The following USP30 variants were observed in gnomAD, a reference collection of about 807,000 sequenced individuals.
USP30 encodes ubiquitin carboxyl-terminal hydrolase 30.
A neutral mutation model predicts 68.2 loss-of-function variants in USP30; 41 were observed. That is an observed-to-expected ratio of 0.60 (90% CI 0.47 to 0.78). The LOEUF (loss-of-function observed/expected upper bound fraction) is 0.78, where lower values mean the gene tolerates loss of function less well. Ranked by LOEUF, USP30 falls within the 30% of genes least tolerant of loss-of-function variation. The pLI is 0.00. For missense variants in USP30, 522 were observed against 649.4 expected (o/e 0.80, Z 2.13); for synonymous variants, 229 against 253.7 (o/e 0.90, Z 0.93).
rs1335610818 is a variant in USP30 at position 109,070,408 on chromosome 12, A to G, written c.481-1204A>G. Among the ~76,000 whole-genome samples the G allele has an allele frequency of 1.3e-5, 2 of 152,098 alleles. No homozygotes were observed. The highest frequency in any genetic ancestry group is 2.9e-5 in the Non-Finnish European group (2 of 68,008). ...AGCTCTTTTGGCAGAGACCTGAAGG[A>G]TAGGAGGTAGCCGTGCGAAGGTCTG... On this transcript the variant is annotated intron_variant, in intron 4 of 12. Coordinates refer to ENST00000257548, the MANE Select transcript of USP30 (RefSeq NM_032663.5). The surrounding 1 kb of genome is among the most constrained non-coding windows in gnomAD (Gnocchi z 4.0).
chr12:109,037,339 T>G (rs915966288), intron 3 of USP30, among the ~76,000 whole-genome samples: 1 of 152,228 alleles, frequency 6.6e-6, no homozygotes, highest in Non-Finnish European at 1.5e-5. Flanking sequence ...TTCCCTTAGA[T>G]CTTTATGTCT....
At chr12:109,061,739 T>C (rs2135734290) in intron 3 of USP30, among the ~76,000 whole-genome samples, 1 of 152,194 alleles carries the variant, frequency 6.6e-6, no homozygotes. Flanking sequence ...ATACAAGTAA[T>C]GCATGAATCA....
At chr12:109,043,546 C>T (rs1384868149) in intron 3 of USP30, among the ~76,000 whole-genome samples, 1 of 152,014 alleles carries the variant, frequency 6.6e-6, no homozygotes, top group East Asian at 1.9e-4. Context: ...TGAAGTTGCC[C>T]CTTACCTAAC....
chr12:109,027,169 G>T (rs139553188), intron 2 of USP30, among the ~76,000 whole-genome samples: 1 of 152,102 alleles, frequency 6.6e-6, no homozygotes, highest in Non-Finnish European at 1.5e-5. Flanking sequence ...TAACCATCAC[G>T]CTATTGACTT....
intron 3 of USP30, among the ~76,000 whole-genome samples, chr12:109,034,655 C>T (rs1406615031): frequency 2.6e-5 from 4 of 152,200 alleles, no homozygotes; most frequent in African/African-American, 9.7e-5. Flanking sequence ...TAGTGTTGTT[C>T]ACGTCTGCTA....
intron 1 of USP30, among the ~76,000 whole-genome samples, chr12:109,055,091 CAT>C (rs1021914076): frequency 6.6e-6 from 1 of 151,836 alleles, no homozygotes; most frequent in African/African-American, 2.4e-5. Flanking sequence ...GCTATATACA[CAT>C]AGATGGTTTG....
rs561301046 is a variant in USP30 at position 109,085,642 on chromosome 12, C to T, written c.1290-25C>T. 2.0e-5 allele frequency: 33 copies of T among 1,610,100 alleles called. No homozygotes were observed. The South Asian group carries it at 3.4e-4, about 17-fold the overall frequency. On this transcript the variant is annotated intron_variant, in intron 12 of 12. Coordinates refer to ENST00000257548, the MANE Select transcript of USP30 (RefSeq NM_032663.5). Reference sequence around the variant, plus strand: ...AGTCTTTTTGTTAAAATTGTAAACCCCTGACATGTGTTCGTATCATTCAGC... The same window carrying T: ...AGTCTTTTTGTTAAAATTGTAAACCTCTGACATGTGTTCGTATCATTCAGC...
chr12:109,085,008 C>T lies in USP30; in HGVS notation c.1224C>T (p.Ser408=). ...KTQIFMNGAC[S]PSLLPTLSAP... ...AGATTTTTATGAATGGCGCCTGCTCCCCATCTTTATTGCCAACGCTGTCAG... is the reference window on the plus strand; with the variant it reads ...AGATTTTTATGAATGGCGCCTGCTCTCCATCTTTATTGCCAACGCTGTCAG... Residue 408 remains serine, a synonymous_variant, in exon 12 of 13, where the codon TCC becomes TCT. Transcript: ENST00000257548. 1 of 1,607,004 alleles carries T rather than the reference C, an allele frequency of 6.2e-7. No individual in the cohort carries two copies.
intron 3 of USP30, among the ~76,000 whole-genome samples, chr12:109,032,936 G>T (rs545596219): frequency 1.3e-5 from 2 of 152,104 alleles, no homozygotes; most frequent in East Asian, 3.9e-4. Context: ...ATACTTTAAG[G>T]GAGACTGGAA....
chr12:109,038,902 C>T (rs1360043928), intron 3 of USP30, among the ~76,000 whole-genome samples: 1 of 152,154 alleles, frequency 6.6e-6, no homozygotes. Context: ...TGATCATTCT[C>T]ATATACTGTA....
At chr12:109,067,710 C>A in intron 4 of USP30, 83 bp downstream of exon 4, 1 of 1,190,546 alleles carries the variant, frequency 8.4e-7, no homozygotes, top group Non-Finnish European at 1.2e-6. Flanking sequence ...TTGCCTGGCC[C>A]CAGTGTACAT....
At chr12:109,044,753 T>A (rs186648381) in intron 3 of USP30, among the ~76,000 whole-genome samples, 55 of 152,276 alleles carry the variant, frequency 3.6e-4, no homozygotes, top group Admixed American at 1.8e-3. Flanking sequence ...ATATGTTTAT[T>A]CTTCTACATA....
At chr12:109,051,359 C>T (rs1354791321), upstream of USP30, among the ~76,000 whole-genome samples, 1 of 146,114 alleles carries the variant, frequency 6.8e-6, no homozygotes, top group Non-Finnish European at 1.5e-5. Context: ...CAGGTTCTAG[C>T]GATTCTCCCG....
intron 7 of USP30, among the ~76,000 whole-genome samples, chr12:109,076,123 A>G (rs867389814): frequency 6.6e-6 from 1 of 152,168 alleles, no homozygotes; most frequent in Non-Finnish European, 1.5e-5. Flanking sequence ...AGGAACTGTA[A>G]TCTATAAGTT....
chr12:109,046,679 G>C (rs1287124013), intron 3 of USP30, among the ~76,000 whole-genome samples: 1 of 151,806 alleles, frequency 6.6e-6, no homozygotes, highest in Non-Finnish European at 1.5e-5. Context: ...CAGCTGGAAG[G>C]TCTGTTTTGT....
chr12:109,057,621 C>T (rs1380947344), intron 2 of USP30, among the ~76,000 whole-genome samples: 1 of 152,182 alleles, frequency 6.6e-6, no homozygotes, highest in Non-Finnish European at 1.5e-5. Flanking sequence ...GAGAAAAAGA[C>T]AGGAGATGGT....
At chr12:109,058,203 G>T in intron 3 of USP30, 95 bp downstream of exon 3, 1 of 1,266,724 alleles carries the variant, frequency 7.9e-7, no homozygotes, top group Non-Finnish European at 1.1e-6. Context: ...CCTTATTGTA[G>T]GAAAAGATCA....
intron 8 of USP30, chr12:109,081,671 A>T: frequency 1.7e-6 from 1 of 595,420 alleles, no homozygotes; most frequent in Non-Finnish European, 3.0e-6. Context: ...ACAGACATTA[A>T]CCTCAGATTG....
Position 109,067,607 on chromosome 12 carries a change from A to G in USP30, c.460A>G (p.Ile154Val). ...LDVLRMYRWQISSFEEQDAHE... is the reference protein window; with the variant it reads ...LDVLRMYRWQVSSFEEQDAHE... The stretch of plus-strand genomic sequence containing the variant: ...TGTCTTAAGAATGTACAGATGGCAG[A>G]TCTCATCATTTGAAGAACAGGTGAG... The change falls in exon 4 of 13, where the codon ATC (isoleucine) becomes GTC (valine). Residue 154 changes from isoleucine to valine, a missense_variant. Ile to Val is a conservative substitution (Grantham distance 29, BLOSUM62 3). Transcript: ENST00000257548. The G allele has an allele frequency of 1.2e-6, 2 of 1,614,094 alleles. No individual in the cohort carries two copies. The highest frequency in any genetic ancestry group is 1.7e-6 in the Non-Finnish European group (2 of 1,179,970).
Sources: gnomAD v4.1 joint callset for allele counts (sites outside exome capture counted in the v4.1 genomes callset) on GRCh38, gnomAD v4.1.1 for gene constraint, Gnocchi (gnomAD v3.1) non-coding constraint, MANE v1.5 for transcripts, NCBI Gene and HGNC (gene_info 2026-07-23, HGNC 2026-07-21) for gene names.